MON2: variants seen among roughly 807,000 people sequenced by gnomAD.
MON2 encodes the protein MON2 regulator of endosome-to-Golgi trafficking.
A neutral mutation model predicts 208.6 loss-of-function variants in MON2; 84 were observed. The ratio of observed to expected loss-of-function variants is 0.40; its 90% confidence interval spans 0.34 to 0.48. The LOEUF (loss-of-function observed/expected upper bound fraction) is 0.48. Among genes scored for constraint, MON2 ranks in the 20% least tolerant of loss-of-function variants. The pLI is 0.59. For synonymous variants in MON2, 660 were observed against 694.0 expected (o/e 0.95, Z 0.77); for missense variants, 1,611 against 2,015.4 (o/e 0.80, Z 3.84).
intron 2 of MON2, among the ~76,000 whole-genome samples, chr12:62,488,945 C>T (rs2136024836): frequency 6.6e-6 from 1 of 152,016 alleles, no homozygotes; most frequent in South Asian, 2.1e-4. Context: ...CATATGTATA[C>T]CTGTGTAACA....
At chr12:62,581,449 G>A (rs543458948) in intron 32 of MON2, among the ~76,000 whole-genome samples, 118 of 152,192 alleles carry the variant, frequency 7.8e-4, no homozygotes, top group Admixed American at 1.4e-3. Flanking sequence ...CTAGATACTC[G>A]GGTGGCTGAA....
At chr12:62,578,761 G>T (rs765269150) in intron 31 of MON2, among the ~76,000 whole-genome samples, 29 of 152,092 alleles carry the variant, frequency 1.9e-4, no homozygotes, top group Non-Finnish European at 2.9e-4. Flanking sequence ...AGTTTAAAAA[G>T]AGTTTATTCG....
In MON2 at chr12:62,588,145, A is replaced by G; in HGVS notation, c.4979A>G (p.Gln1660Arg). 6.4e-7 allele frequency: 1 copy of G among 1,571,154 alleles called. No individual in the cohort carries two copies. The highest frequency in any genetic ancestry group is 8.7e-7 in the Non-Finnish European group (1 of 1,146,318). ...CTTATTGATTCACTTAAGAAAACTC[A>G]GCCTGAGAATGGTAAGTGCTTAGAA... ...STLIDSLKKTQPENVDGNTWA... is the reference protein window; with the variant it reads ...STLIDSLKKTRPENVDGNTWA... The change falls in exon 34 of 35, where the codon CAG becomes CGG. Residue 1660 changes from glutamine to arginine, a missense_variant. Physicochemically the swap from Gln to Arg is conservative, Grantham distance 43 (BLOSUM62 1). Coordinates refer to ENST00000393630, the MANE Select transcript of MON2 (RefSeq NM_015026.3).
At chr12:62,588,361 A>G (rs140934029) in intron 34 of MON2, among the ~76,000 whole-genome samples, 1 of 142,570 alleles carries the variant, frequency 7.0e-6, no homozygotes, top group Admixed American at 7.0e-5. Flanking sequence ...TTTATGAAGC[A>G]GTCTACCTTA....
At chr12:62,485,513 A>G (rs1011878215) in intron 2 of MON2, among the ~76,000 whole-genome samples, 10 of 152,146 alleles carry the variant, frequency 6.6e-5, no homozygotes, top group African/African-American at 2.4e-4. Flanking sequence ...CCTCAATTAC[A>G]TCTGTTTCCC....
chr12:62,546,843 C>G (rs2073508881), intron 21 of MON2, 54 bp from the exon 22 acceptor site: 21 of 1,336,282 alleles, frequency 1.6e-5, no homozygotes, highest in Middle Eastern at 1.9e-4. Flanking sequence ...AACAGTAAAG[C>G]CTTCTTGTCT....
chr12:62,502,407 TAAAA>T (rs549207731), intron 7 of MON2, among the ~76,000 whole-genome samples: 10 of 135,390 alleles, frequency 7.4e-5, no homozygotes, highest in African/African-American at 2.7e-4. Flanking sequence ...TTTCTTAAAT[TAAAA>T]AAAAAAAAAA....
At chr12:62,531,695 C>A (rs1331483948) in intron 11 of MON2, among the ~76,000 whole-genome samples, 1 of 152,112 alleles carries the variant, frequency 6.6e-6, no homozygotes, top group Non-Finnish European at 1.5e-5. Context: ...GATAGGTGAG[C>A]TGGGCATCTC....
chr12:62,545,031 A>G (rs746839500), intron 21 of MON2, 23 bp downstream of exon 21: 1 of 1,436,268 alleles, frequency 7.0e-7, no homozygotes, highest in South Asian at 1.3e-5. Context: ...TTACTTTTTA[A>G]AAAGAATACT....
At chr12:62,571,773 T>A (rs979708026) in intron 30 of MON2, among the ~76,000 whole-genome samples, 191 bp downstream of exon 30, 2 of 152,238 alleles carry the variant, frequency 1.3e-5, no homozygotes, top group Admixed American at 1.3e-4. Flanking sequence ...ATTTTTGCTT[T>A]TTGTATTTTT....
Position 62,582,102 on chromosome 12 carries a change from A to C in MON2, c.4699+1682A>C, listed in dbSNP as rs561975876. ...AAAATTTTAAACCCCGCTTATCTTA[A>C]TGTAGCCAACTTTTTATTATTAAGA... On this transcript the variant is annotated intron_variant, in intron 32 of 34. Coordinates refer to ENST00000393630, the MANE Select transcript of MON2 (RefSeq NM_015026.3). Among the ~76,000 whole-genome samples the C allele has an allele frequency of 5.3e-5, 8 of 152,352 alleles. No homozygotes were observed. In the South Asian group the frequency reaches 1.0e-3, roughly 20 times the overall value.
chr12:62,513,487 A>G (rs1252717854), intron 8 of MON2, among the ~76,000 whole-genome samples: 4 of 151,792 alleles, frequency 2.6e-5, no homozygotes, highest in African/African-American at 9.7e-5. Flanking sequence ...CGGCCTCCCA[A>G]AGTGCTGGGA....
chr12:62,562,293 A>G (rs2074226280), intron 26 of MON2, among the ~76,000 whole-genome samples: 1 of 151,910 alleles, frequency 6.6e-6, no homozygotes, highest in Admixed American at 6.6e-5. Context: ...GTACAGGATA[A>G]ACAAGAAACT....
chr12:62,501,355 C>T (rs1402505995), intron 6 of MON2, among the ~76,000 whole-genome samples: 1 of 152,072 alleles, frequency 6.6e-6, no homozygotes, highest in African/African-American at 2.4e-5. Context: ...TGTCTACTGT[C>T]TCTGTGTTGT....
rs2073856316 is a variant in MON2, at chr12:62,553,898, A to C, written c.3210+724A>C. Among the ~76,000 whole-genome samples the C allele has an allele frequency of 1.3e-5, 2 of 152,162 alleles. 1 individual carries two copies. The highest frequency in any genetic ancestry group is 4.1e-4 in the South Asian group (2 of 4,822). ...CCCCAAAATGTCTTCTTAAAAAATT[A>C]ATGGGCTGGGCATGGTGACTGACAC... is the stretch of plus-strand genomic sequence containing the variant. On this transcript the variant is annotated intron_variant, in intron 24 of 34. Coordinates refer to ENST00000393630, the MANE Select transcript of MON2 (RefSeq NM_015026.3).
chr12:62,555,338 T>G lies in MON2; in HGVS notation c.3211-656T>G, dbSNP rs1337994406. ...GGGACTACAGATGTATAACACCACA[T>G]TTAGCTAATTTTGGGTTTTTTTTTT... On this transcript the variant is annotated intron_variant, in intron 24 of 34. Transcript: ENST00000393630. Among the ~76,000 whole-genome samples the G allele has an allele frequency of 4.0e-5, 6 of 151,410 alleles. No individual in the cohort carries two copies. In the East Asian group the frequency reaches 1.2e-3, roughly 30 times the overall value.
chr12:62,556,869 A>T (rs1284113341), intron 25 of MON2, among the ~76,000 whole-genome samples: 1 of 152,172 alleles, frequency 6.6e-6, no homozygotes, highest in Non-Finnish European at 1.5e-5. Flanking sequence ...TGAGCCCAGG[A>T]GTTTGAAACC....
intron 33 of MON2, 95 bp from the exon 34 acceptor site, chr12:62,587,979 A>G: frequency 5.4e-6 from 4 of 740,872 alleles, no homozygotes; most frequent in South Asian, 5.0e-5. Context: ...AGTATTTTTC[A>G]AAAGTTCATC....
intron 2 of MON2, among the ~76,000 whole-genome samples, chr12:62,493,680 G>C (rs1181677124): frequency 6.6e-6 from 1 of 152,142 alleles, no homozygotes; most frequent in African/African-American, 2.4e-5. Context: ...CCAAAGGACA[G>C]AGTGTTAGGA....
Sources: allele counts gnomAD v4.1 joint callset (sites outside exome capture counted in the v4.1 genomes callset), GRCh38; gene constraint gnomAD v4.1.1; transcripts MANE v1.5; gene names NCBI Gene and HGNC (gene_info 2026-07-23, HGNC 2026-07-21).